TLE4: variants seen among roughly 807,000 people sequenced by gnomAD.
The protein encoded by TLE4 is TLE family member 4, transcriptional corepressor.
A neutral mutation model predicts 92.8 loss-of-function variants in TLE4; 8 were observed. That is an observed-to-expected ratio of 0.09 (90% CI 0.05 to 0.16). The LOEUF is 0.16. Among genes scored for constraint, TLE4 ranks in the 10% least tolerant of loss-of-function variants. The pLI is 1.00. For missense variants in TLE4, 675 were observed against 997.6 expected, an observed-to-expected ratio of 0.68 and a Z score of 4.36; for synonymous variants, 371 against 374.1, an observed-to-expected ratio of 0.99 and a Z score of 0.10.
chr9:79,713,308 A>G (rs1215768173), intron 14 of TLE4, among the ~76,000 whole-genome samples: 1 of 152,204 alleles, frequency 6.6e-6, no homozygotes, highest in East Asian at 1.9e-4. Context: ...TTTGACACAC[A>G]TGTTTTTAAA....
chr9:79,625,232 G>A (rs1396567447), intron 5 of TLE4, among the ~76,000 whole-genome samples: 1 of 151,260 alleles, frequency 6.6e-6, no homozygotes, highest in Non-Finnish European at 1.5e-5. Flanking sequence ...TTTTAGCCGG[G>A]ATGGTCTCGA....
chr9:79,642,417 G>C (rs1015689342), intron 6 of TLE4, among the ~76,000 whole-genome samples: 2 of 151,510 alleles, frequency 1.3e-5, no homozygotes, highest in East Asian at 3.9e-4. Context: ...ATGCCACTCT[G>C]CTTGGCTCAG....
intron 8 of TLE4, among the ~76,000 whole-genome samples, chr9:79,660,295 G>T (rs1340587289): frequency 6.6e-6 from 1 of 152,124 alleles, no homozygotes; most frequent in African/African-American, 2.4e-5. Context: ...TTTCTTATGT[G>T]TTATTTAGTC....
At chr9:79,606,016 C>G (rs2046761014) in intron 4 of TLE4, among the ~76,000 whole-genome samples, 1 of 151,882 alleles carries the variant, frequency 6.6e-6, no homozygotes, top group Non-Finnish European at 1.5e-5. Context: ...ATTAACTACT[C>G]TGTTATAGAC....
rs573755352 is a variant in TLE4, at chr9:79,650,461, A to G, written c.391-2132A>G. On this transcript the variant is annotated intron_variant, in intron 6 of 19. Coordinates refer to ENST00000376552, the MANE Select transcript of TLE4 (RefSeq NM_007005.6). ...TACACAAGGAGTATTAGGGGAATTT[A>G]GAGGAGAAAGAATTGGAGCTATTTC... 3.2e-4 allele frequency among the ~76,000 whole-genome samples: 49 copies of G among 152,306 alleles called. 4 individuals carry two copies. The South Asian group carries it at 0.01, about 32-fold the overall frequency.
At chr9:79,627,209 C>T (rs906348345) in intron 5 of TLE4, among the ~76,000 whole-genome samples, 165 bp from the exon 6 acceptor site, 1 of 152,108 alleles carries the variant, frequency 6.6e-6, no homozygotes, top group African/African-American at 2.4e-5. Context: ...CCCAGATGTA[C>T]CCTAGACATC....
chr9:79,674,527 C>T (rs964705594), intron 8 of TLE4, among the ~76,000 whole-genome samples: 1 of 152,190 alleles, frequency 6.6e-6, no homozygotes, highest in African/African-American at 2.4e-5. Context: ...GGGCCTGCCA[C>T]GTAGGAAAAT....
At chr9:79,630,949 CT>C (rs887949304) in intron 6 of TLE4, among the ~76,000 whole-genome samples, 19 of 152,150 alleles carry the variant, frequency 1.2e-4, no homozygotes, top group East Asian at 3.9e-4. Context: ...TGGAAACCCC[CT>C]AACCCACTTT....
rs948526314 is a variant in TLE4, at chr9:79,586,197, G to A, written c.252+10020G>A. Among the ~76,000 whole-genome samples the A allele has an allele frequency of 3.3e-5, 5 of 151,972 alleles. No homozygotes were observed. In the South Asian group the frequency reaches 6.2e-4, roughly 19 times the overall value. On this transcript the variant is annotated intron_variant, in intron 4 of 19. Coordinates refer to ENST00000376552, the MANE Select transcript of TLE4 (RefSeq NM_007005.6). ...ACTGTCCTGGCCAATGTGGTGAAAC[G>A]CTGTCTCTACTAAAAATTAACTGGG...
rs555373051 is a variant in TLE4, at chr9:79,652,691, C to A, written c.489C>A (p.Ile163=). 4 of 1,614,194 alleles carry A rather than the reference C, an allele frequency of 2.5e-6. No individual in the cohort carries two copies. Among genetic ancestry groups the A allele is most frequent in the Non-Finnish European group, 3.4e-6 (4 of 1,180,026 alleles). ...TCCAGCCCCCTGCCATTCCACCCAT[C>A]GGTAGCAGTGCCGGGCTTCTGGCCC... ...SGLQPPAIPP[I]GSSAGLLALS... The change falls in exon 7 of 20, where the codon ATC becomes ATA. Residue 163 remains isoleucine (I), a synonymous_variant. Coordinates refer to ENST00000376552, the MANE Select transcript of TLE4 (RefSeq NM_007005.6).
At chr9:79,658,487 G>A (rs866605342) in intron 8 of TLE4, among the ~76,000 whole-genome samples, 1 of 152,228 alleles carries the variant, frequency 6.6e-6, no homozygotes, top group Middle Eastern at 3.4e-3. Flanking sequence ...GGGCATAGAT[G>A]ACTAAAACAT....
At chr9:79,696,376 A>G (rs2068259383) in intron 8 of TLE4, among the ~76,000 whole-genome samples, 1 of 152,148 alleles carries the variant, frequency 6.6e-6, no homozygotes, top group African/African-American at 2.4e-5. Context: ...GGCCCTTAAG[A>G]CCAATCAGTT....
Position 79,720,237 on chromosome 9 carries a change from A to G in TLE4, c.1782A>G (p.Ser594=). 6.2e-7 allele frequency: 1 copy of G among 1,614,130 alleles called. No individual in the cohort carries two copies. Among genetic ancestry groups the G allele is most frequent in the East Asian group, 2.2e-5 (1 of 44,868 alleles). ...AISPDSKVCF[S]CCSDGNIAVW... ...GCCCCGATTCCAAGGTCTGCTTCTC[A>G]TGCTGCAGCGACGGCAACATCGCTG... The change falls in exon 16 of 20, where the codon TCA becomes TCG. Residue 594 remains serine (S), a synonymous_variant. Transcript: ENST00000376552.
chr9:79,667,433 AT>A (rs1260119901), intron 8 of TLE4, among the ~76,000 whole-genome samples: 1 of 152,232 alleles, frequency 6.6e-6, no homozygotes, highest in Non-Finnish European at 1.5e-5. Flanking sequence ...TCTTAAAATA[AT>A]TCTTTGTTAA....
Position 79,623,194 on chromosome 9 carries a change from TTTA to T in TLE4, c.316-4171_316-4169del, listed in dbSNP as rs559087845. 1.8e-3 allele frequency among the ~76,000 whole-genome samples: 274 copies of T among 152,196 alleles called. 2 individuals carry two copies. The highest frequency in any genetic ancestry group is 6.5e-3 in the African/African-American group (268 of 41,550). ...CTTAGGGGAGTTCTTTTGTTTTTGT[TTTA>T]TTATTATTTTTTTTTAATTCTGAGG... On this transcript the variant is annotated intron_variant, in intron 5 of 19. Coordinates refer to ENST00000376552, the MANE Select transcript of TLE4 (RefSeq NM_007005.6).
chr9:79,720,393 T>G lies in TLE4; in HGVS notation c.1838+100T>G, dbSNP rs929498114. 1.9e-3 allele frequency: 2,208 copies of G among 1,152,240 alleles called. 65 individuals carry two copies. Among genetic ancestry groups the G allele is most frequent in the Non-Finnish European group, 2.3e-3 (1,967 of 858,258 alleles). 71.4% of individuals were successfully genotyped at this position (1,152,240 alleles called of 1,614,324 possible). On this transcript the variant is annotated intron_variant, in intron 16 of 19. Transcript: ENST00000376552. Reference sequence around the variant, plus strand: ...ATAGGTATGGGTGTGTGTGTGTGTGTGTGTGTGTGTGTGTGTGTGTGTGTG... The same window carrying G: ...ATAGGTATGGGTGTGTGTGTGTGTGGGTGTGTGTGTGTGTGTGTGTGTGTG...
In TLE4 at chr9:79,718,791, C is replaced by T. The variant is rs777506315; in HGVS notation, c.1410C>T (p.Ile470=). The T allele has an allele frequency of 1.4e-5, 23 of 1,614,162 alleles. No individual in the cohort carries two copies. The highest frequency in any genetic ancestry group is 1.6e-4 in the Middle Eastern group (1 of 6,062). The change falls in exon 15 of 20, where the codon ATC becomes ATT. Residue 470 remains isoleucine, a synonymous_variant. Coordinates refer to ENST00000376552, the MANE Select transcript of TLE4 (RefSeq NM_007005.6). ...TCCCTTTTCCACCCGACGCCCTCATCGGACCTGGAATCCCCCGGCATGCTC... is the reference window on the plus strand; with the variant it reads ...TCCCTTTTCCACCCGACGCCCTCATTGGACCTGGAATCCCCCGGCATGCTC... The part of the protein sequence containing the change: ...QPVPFPPDAL[I]GPGIPRHARQ...
At chr9:79,707,149 A>G in intron 11 of TLE4, 1 of 1,613,034 alleles carries the variant, frequency 6.2e-7, no homozygotes, top group South Asian at 1.1e-5. Flanking sequence ...AATTGAGTGA[A>G]ACACGTCTTA....
chr9:79,668,770 C>A, intron 8 of TLE4: 1 of 973,678 alleles, frequency 1.0e-6, no homozygotes, highest in Non-Finnish European at 1.2e-6. Context: ...TCTACTGGAA[C>A]GCTTTTAATT....
Sources: allele counts gnomAD v4.1 joint callset (sites outside exome capture counted in the v4.1 genomes callset), GRCh38; gene constraint gnomAD v4.1.1; transcripts MANE v1.5; gene names NCBI Gene and HGNC (gene_info 2026-07-23, HGNC 2026-07-21).